The following ANGPTL2 variants were observed in gnomAD, a reference collection of about 807,000 sequenced individuals.
The protein encoded by ANGPTL2 is angiopoietin-related protein 2.
Under a neutral mutation model 52.8 loss-of-function variants are expected in ANGPTL2, and 25 were observed. The observed-to-expected ratio is 0.47, with a 90% CI of 0.35 to 0.66. ANGPTL2 has a LOEUF of 0.66. Ranked by LOEUF, ANGPTL2 falls within the 30% of genes least tolerant of loss-of-function variation. ANGPTL2 has a pLI of 0.01. For missense variants in ANGPTL2, 546 were observed against 656.9 expected (o/e 0.83, Z 1.84); for synonymous variants, 276 against 277.4 (o/e 1.00, Z 0.05).
intron 2 of ANGPTL2, among the ~76,000 whole-genome samples, chr9:127,102,898 G>C (rs1001263912): frequency 6.6e-6 from 1 of 152,206 alleles, no homozygotes; most frequent in African/African-American, 2.4e-5. Flanking sequence ...TTGTACAGTG[G>C]AAACAGCACA....
chr9:127,108,314 G>T lies in ANGPTL2; in HGVS notation c.418C>A (p.Gln140Lys). The T allele has an allele frequency of 6.2e-7, 1 of 1,613,816 alleles. No individual in the cohort carries two copies. Among genetic ancestry groups the T allele is most frequent in the Non-Finnish European group, 8.5e-7 (1 of 1,179,896 alleles). The change falls in exon 2 of 5, where the codon CAG becomes AAG. Residue 140 changes from glutamine (Q) to lysine (K), a missense_variant. By Grantham distance (53) the Gln-to-Lys change is moderately conservative (BLOSUM62 1). Transcript: ENST00000373425. ...MNSRVTQLYMQLLHEIIRKRD... is the reference protein window; with the variant it reads ...MNSRVTQLYMKLLHEIIRKRD... The stretch of plus-strand genomic sequence containing the variant: ...TTGCGGATGATCTCGTGCAGGAGCT[G>T]CATGTAGAGCTGCGTGACCCGCGAG...
intron 2 of ANGPTL2, among the ~76,000 whole-genome samples, chr9:127,100,388 CAG>C (rs2053596401): frequency 6.6e-6 from 1 of 152,178 alleles, no homozygotes; most frequent in Admixed American, 6.5e-5. Flanking sequence ...TCGGGAGAAA[CAG>C]ACATTGCAGC....
rs1380340955 is a variant in ANGPTL2, at chr9:127,088,922, C to G, written c.*17G>C. Reference sequence around the variant, plus strand: ...GCTCCTGGCAATGGCCACGAGAGGTCAGGAGGGGGAGCTGGCTTAGTGGAA... The same window carrying G: ...GCTCCTGGCAATGGCCACGAGAGGTGAGGAGGGGGAGCTGGCTTAGTGGAA... On this transcript the variant is annotated 3_prime_UTR_variant, in exon 5 of 5. Transcript: ENST00000373425. 6.2e-7 allele frequency: 1 copy of G among 1,614,150 alleles called. No individual in the cohort carries two copies. The highest frequency in any genetic ancestry group is 1.1e-5 in the South Asian group (1 of 91,070).
In ANGPTL2 at chr9:127,088,893, G is replaced by A. The variant is rs1434963689; in HGVS notation, c.*46C>T. On this transcript the variant is annotated 3_prime_UTR_variant, in exon 5 of 5. Transcript: ENST00000373425. ...TTGTGCTGTGGCCAGCGTGACCAGG[G>A]TGGGCTCCTGGCAATGGCCACGAGA... 6.2e-7 allele frequency: 1 copy of A among 1,608,880 alleles called. No individual in the cohort carries two copies. The highest frequency in any genetic ancestry group is 1.3e-5 in the African/African-American group (1 of 74,828).
At chr9:127,121,012 G>C (rs1225961516) in intron 1 of ANGPTL2, among the ~76,000 whole-genome samples, 1 of 152,056 alleles carries the variant, frequency 6.6e-6, no homozygotes, top group Non-Finnish European at 1.5e-5. Flanking sequence ...GGGTGTGGTT[G>C]AGTGGCTCCG....
In ANGPTL2 at chr9:127,091,310, G is replaced by C. The variant is rs927406317; in HGVS notation, c.1282+360C>G. 1.3e-5 allele frequency among the ~76,000 whole-genome samples: 2 copies of C among 152,238 alleles called. No individual in the cohort carries two copies. The highest frequency in any genetic ancestry group is 4.1e-4 in the South Asian group (2 of 4,834). On this transcript the variant is annotated intron_variant, in intron 4 of 4. Coordinates refer to ENST00000373425, the MANE Select transcript of ANGPTL2 (RefSeq NM_012098.3). This position sits in a 1 kb window ranked among gnomAD's most constrained non-coding sequence, Gnocchi z 4.3. ...CCCAGGTGTGTGGCCCAGAGCCTAC[G>C]CAGTTGGTTAGCTCTATACCAGGTG...
chr9:127,094,410 A>G (rs946507561), intron 2 of ANGPTL2, among the ~76,000 whole-genome samples: 11 of 152,198 alleles, frequency 7.2e-5, no homozygotes, highest in African/African-American at 2.7e-4. Context: ...ACTCAGTTCC[A>G]CTGGATTACT....
intron 1 of ANGPTL2, among the ~76,000 whole-genome samples, chr9:127,117,812 G>A (rs1213648008): frequency 6.6e-6 from 1 of 152,220 alleles, no homozygotes; most frequent in Non-Finnish European, 1.5e-5. Context: ...GGTTGGAGTG[G>A]GACCACCTCA....
At chr9:127,104,421 G>A (rs2054025623) in intron 2 of ANGPTL2, among the ~76,000 whole-genome samples, 1 of 152,204 alleles carries the variant, frequency 6.6e-6, no homozygotes, top group Non-Finnish European at 1.5e-5. Context: ...ATGACCCCTG[G>A]AGCCTTCCTC....
In ANGPTL2 at chr9:127,093,435, G is replaced by T. The variant is rs538049645; in HGVS notation, c.1011+298C>A. On this transcript the variant is annotated intron_variant, in intron 3 of 4. Transcript: ENST00000373425. ...CTCACCCCTGGGCCCCCATACCAGCGTTTCTAAACTCTCACCCTGTCCTGT... is the reference window on the plus strand; with the variant it reads ...CTCACCCCTGGGCCCCCATACCAGCTTTTCTAAACTCTCACCCTGTCCTGT... Among the ~76,000 whole-genome samples the T allele has an allele frequency of 1.5e-3, 230 of 152,248 alleles. 1 individual carries two copies. Among genetic ancestry groups the T allele is most frequent in the Middle Eastern group, 3.4e-3 (1 of 294 alleles).
chr9:127,108,621 C>G lies in ANGPTL2; in HGVS notation c.111G>C (p.Glu37Asp), dbSNP rs1461956402. ...FEGTEEGSPREFIYLNRYKRA... is the reference protein window; with the variant it reads ...FEGTEEGSPRDFIYLNRYKRA... ...GCTTGTACCTGTTTAGGTAAATGAA[C>G]TCTCTTGGCGAGCCCTCCTCAGTGC... The change falls in exon 2 of 5, where the codon GAG becomes GAC. Residue 37 changes from glutamate (E) to aspartate (D), a missense_variant. By Grantham distance (45) the Glu-to-Asp change is conservative. Around this residue, in one of 2 missense-constraint regions of ANGPTL2, gnomAD observed 285 missense variants for 295.8 expected, o/e 0.96. Coordinates refer to ENST00000373425, the MANE Select transcript of ANGPTL2 (RefSeq NM_012098.3). 1.2e-6 allele frequency: 2 copies of G among 1,613,670 alleles called. No homozygotes were observed. Among genetic ancestry groups the G allele is most frequent in the East Asian group, 2.2e-5 (1 of 44,844 alleles).
chr9:127,120,255 C>G (rs2055906920), intron 1 of ANGPTL2, among the ~76,000 whole-genome samples: 2 of 152,236 alleles, frequency 1.3e-5, no homozygotes, highest in Admixed American at 6.5e-5. Flanking sequence ...AATAGGCAGA[C>G]AGGCAGTGCC....
At chr9:127,095,930 C>G (rs1252010766) in intron 2 of ANGPTL2, among the ~76,000 whole-genome samples, 3 of 152,194 alleles carry the variant, frequency 2.0e-5, no homozygotes, top group African/African-American at 7.2e-5. Context: ...TTCCCACTGC[C>G]CAGTATTGCC....
chr9:127,112,268 C>A (rs574161464), intron 1 of ANGPTL2, among the ~76,000 whole-genome samples: 4 of 152,186 alleles, frequency 2.6e-5, no homozygotes, highest in Non-Finnish European at 5.9e-5. Flanking sequence ...GTGTTTGCCT[C>A]GTTTCCAACG....
Position 127,088,450 on chromosome 9 carries a change from T to C in ANGPTL2, c.*489A>G, listed in dbSNP as rs1294445213. 6.0e-6 allele frequency: 1 copy of C among 167,340 alleles called. No homozygotes were observed. Among genetic ancestry groups the C allele is most frequent in the Non-Finnish European group, 1.3e-5 (1 of 77,228 alleles). 10.4% of individuals were successfully genotyped at this position (167,340 alleles called of 1,614,324 possible). On this transcript the variant is annotated 3_prime_UTR_variant, in exon 5 of 5. Coordinates refer to ENST00000373425, the MANE Select transcript of ANGPTL2 (RefSeq NM_012098.3). ...TAATACAACACTAATGAAATGCTTT[T>C]CTCCTAAGAGCAAAGCTGCTGGTGA...
chr9:127,108,919 G>T, intron 1 of ANGPTL2, 139 bp from the exon 2 acceptor site: 1 of 635,732 alleles, frequency 1.6e-6, no homozygotes, highest in South Asian at 2.4e-5. Context: ...ATATTCTCTT[G>T]GAGTCAGAGA....
At chr9:127,114,028 G>T (rs1224556197) in intron 1 of ANGPTL2, among the ~76,000 whole-genome samples, 3 of 152,234 alleles carry the variant, frequency 2.0e-5, no homozygotes, top group Admixed American at 2.0e-4. Context: ...AATGAGAAAA[G>T]TTCCAGCAAT....
rs1220653549 is a variant in ANGPTL2, at chr9:127,087,760, T to C, written c.*1179A>G. 1 of 152,130 alleles carries C rather than the reference T, an allele frequency of 6.6e-6. No individual in the cohort carries two copies. Among genetic ancestry groups the C allele is most frequent in the Non-Finnish European group, 1.5e-5 (1 of 67,998 alleles). 9.4% of individuals were successfully genotyped at this position (152,130 alleles called of 1,614,324 possible). A position where few individuals can be genotyped will look rare whatever the true frequency, so the allele number is the denominator to read the frequency against. ...CACTTGTTCTCCAGGGAAGTGTAGT[T>C]TGGAGATGAGATGCGGACTCTAGTC... On this transcript the variant is annotated 3_prime_UTR_variant, in exon 5 of 5. Transcript: ENST00000373425.
In ANGPTL2 at chr9:127,108,202, T is replaced by C. The variant is rs1461414368; in HGVS notation, c.530A>G (p.Lys177Arg). 2 of 1,613,976 alleles carry C rather than the reference T, an allele frequency of 1.2e-6. No individual in the cohort carries two copies. Among genetic ancestry groups the C allele is most frequent in the African/African-American group, 2.7e-5 (2 of 74,896 alleles). Residue 177 changes from lysine (K) to arginine (R), a missense_variant, in exon 2 of 5, where the codon AAG becomes AGG. Transcript: ENST00000373425. ...GTGCTGGTACTTGTGCTCCAGGTCCTTGTACTTGCTGGCCAGCTGCAGCAT... is the reference window on the plus strand; with the variant it reads ...GTGCTGGTACTTGTGCTCCAGGTCCCTGTACTTGCTGGCCAGCTGCAGCAT... ...ADMLQLASKYKDLEHKYQHLA... is the reference protein window; with the variant it reads ...ADMLQLASKYRDLEHKYQHLA...
Sources: gnomAD v4.1 joint callset for allele counts (sites outside exome capture counted in the v4.1 genomes callset) on GRCh38, gnomAD v4.1.1 for gene constraint, gnomAD v4.1.1 regional missense constraint, Gnocchi (gnomAD v3.1) non-coding constraint, MANE v1.5 for transcripts, NCBI Gene and HGNC (gene_info 2026-07-23, HGNC 2026-07-21) for gene names.